Variants in PCDHGA7 observed in about 807,000 individuals in gnomAD.
PCDHGA7 encodes protocadherin gamma-A7.
Under a neutral mutation model 58.3 loss-of-function variants are expected in PCDHGA7, and 44 were observed. The observed-to-expected ratio is 0.75, with a 90% CI of 0.59 to 0.97. The LOEUF (loss-of-function observed/expected upper bound fraction) is 0.97. Among genes scored for constraint, PCDHGA7 ranks in the 50% least tolerant of loss-of-function variants. The pLI, the probability that PCDHGA7 is intolerant of heterozygous loss-of-function variation, is 0.00. For missense variants in PCDHGA7, 1,266 were observed against 1,188.7 expected, an observed-to-expected ratio of 1.06 and a Z score of -0.96; for synonymous variants, 516 against 504.2, an observed-to-expected ratio of 1.02 and a Z score of -0.31.
At chr5:141,435,435 T>G (rs2097763289) in intron 1 of PCDHGA7, among the ~76,000 whole-genome samples, 1 of 152,212 alleles carries the variant, frequency 6.6e-6, no homozygotes. Context: ...TGTTATGCAT[T>G]TCATTAATAC....
intron 1 of PCDHGA7, chr5:141,430,781 C>A: frequency 6.6e-7 from 1 of 1,510,922 alleles, no homozygotes; most frequent in Non-Finnish European, 8.8e-7. Context: ...GCGACTGCAC[C>A]GGGACTACAA....
At chr5:141,467,110 T>C (rs2099137137) in intron 1 of PCDHGA7, among the ~76,000 whole-genome samples, 1 of 151,604 alleles carries the variant, frequency 6.6e-6, no homozygotes, top group Non-Finnish European at 1.5e-5. Context: ...TGGAGTACAA[T>C]GGTGCAATCT....
Position 141,385,009 on chromosome 5 carries a change from T to G in PCDHGA7, c.2110T>G (p.Phe704Val). Reference protein sequence around the residue: ...VVAVATVSCVFLAFVLVLLAL... With the variant: ...VVAVATVSCVVLAFVLVLLAL... ...GGCGGTGGCCACAGTCTCCTGCGTC[T>G]TCCTAGCCTTCGTCCTCGTACTGCT... The change falls in exon 1 of 4, where the codon TTC becomes GTC. Residue 704 changes from phenylalanine to valine, a missense_variant. Transcript: ENST00000518325. The G allele has an allele frequency of 6.2e-7, 1 of 1,614,140 alleles. No individual in the cohort carries two copies. Among genetic ancestry groups the G allele is most frequent in the Non-Finnish European group, 8.5e-7 (1 of 1,180,032 alleles).
At chr5:141,492,993 G>A (rs952802686) in intron 1 of PCDHGA7, among the ~76,000 whole-genome samples, 5 of 152,216 alleles carry the variant, frequency 3.3e-5, no homozygotes, top group African/African-American at 1.2e-4. Flanking sequence ...CTGGCAGATG[G>A]AAAGCTATAG....
chr5:141,412,385 A>G (rs1041538045), intron 1 of PCDHGA7: 8 of 152,236 alleles, frequency 5.3e-5, no homozygotes, highest in African/African-American at 1.9e-4. Flanking sequence ...AAATAGGTCC[A>G]TTTAACTTGT....
intron 2 of PCDHGA7, among the ~76,000 whole-genome samples, chr5:141,505,122 A>G (rs2099843899): frequency 6.6e-6 from 1 of 152,194 alleles, no homozygotes; most frequent in Non-Finnish European, 1.5e-5. Context: ...AGATCGCGCC[A>G]CTGCACTCCA....
chr5:141,453,559 C>T (rs2098769120), intron 1 of PCDHGA7, among the ~76,000 whole-genome samples: 1 of 152,126 alleles, frequency 6.6e-6, no homozygotes, highest in Non-Finnish European at 1.5e-5. Context: ...TGTAGATAAT[C>T]GATTTCATTA....
In PCDHGA7 at chr5:141,383,984, T is replaced by C; in HGVS notation, c.1085T>C (p.Leu362Pro). The C allele has an allele frequency of 6.2e-7, 1 of 1,613,834 alleles. No homozygotes were observed. The highest frequency in any genetic ancestry group is 1.3e-5 in the African/African-American group (1 of 75,050). Residue 362 changes from leucine (L) to proline (P), a missense_variant, in exon 1 of 4, where the codon CTT becomes CCT. Transcript: ENST00000518325. ...AGCTCAATCCCTGAAGACACACCTC[T>C]TGGGACAGTCATTGCTCTTTTCTAC... is the stretch of plus-strand genomic sequence containing the variant. The part of the protein sequence containing the change: ...LSSSIPEDTP[L>P]GTVIALFYLQ...
intron 1 of PCDHGA7, chr5:141,441,206 C>T (rs750648706): frequency 3.3e-5 from 5 of 152,150 alleles, no homozygotes; most frequent in African/African-American, 4.8e-5. Context: ...GATTCTGCAC[C>T]TTGGACAGTA....
chr5:141,397,700 G>A (rs2093557870), intron 1 of PCDHGA7, among the ~76,000 whole-genome samples: 2 of 152,224 alleles, frequency 1.3e-5, no homozygotes, highest in Admixed American at 1.3e-4. Flanking sequence ...AAAACCCAAC[G>A]TGATATTTCT....
At chr5:141,427,997 A>C (rs1471083920) in intron 1 of PCDHGA7, 2 of 1,600,232 alleles carry the variant, frequency 1.2e-6, no homozygotes, top group African/African-American at 2.7e-5. Flanking sequence ...ATGGCTCCGC[A>C]CTCTTCGATA....
At chr5:141,509,887 T>C (rs138950510) in intron 3 of PCDHGA7, among the ~76,000 whole-genome samples, 1 of 152,314 alleles carries the variant, frequency 6.6e-6, no homozygotes, top group East Asian at 1.9e-4. Flanking sequence ...TGATGGTGAC[T>C]GACTGTCCCT....
chr5:141,464,138 G>A (rs62379197), intron 1 of PCDHGA7, among the ~76,000 whole-genome samples: 42,814 of 151,688 alleles, frequency 0.28, 6,814 homozygotes, highest in African/African-American at 0.44. Context: ...GGTGGTGGGC[G>A]CCTGTAGTCC....
intron 1 of PCDHGA7, chr5:141,419,512 G>T (rs754877872): frequency 3.7e-6 from 6 of 1,612,296 alleles, no homozygotes; most frequent in South Asian, 1.1e-5. Context: ...TGCGCGTGTT[G>T]GTGGGCGACC....
At position 141,476,565 on chromosome 5, in the gene PCDHGA7, C is replaced by A; in HGVS notation, c.2425-18242C>A. 1 of 1,614,184 alleles carries A rather than the reference C, an allele frequency of 6.2e-7. No homozygotes were observed. ...TTGGAGATTAGCGAGGCCGTGGCTC[C>A]GGGGACGCGCTTTCCGCTCGAGAGC... On this transcript the variant is annotated intron_variant, in intron 1 of 3. Coordinates refer to ENST00000518325, the MANE Select transcript of PCDHGA7 (RefSeq NM_018920.4). The surrounding 1 kb of genome is among the most constrained non-coding windows in gnomAD (Gnocchi z 7.6).
Position 141,489,092 on chromosome 5 carries a change from A to AATT in PCDHGA7, c.2425-5714_2425-5713insTTA. 2.9e-6 allele frequency: 1 copy of AATT among 348,332 alleles called. No individual in the cohort carries two copies. Among genetic ancestry groups the AATT allele is most frequent in the Non-Finnish European group, 4.7e-6 (1 of 214,538 alleles). 21.6% of individuals were successfully genotyped at this position (348,332 alleles called of 1,614,324 possible). A position where few individuals can be genotyped will look rare whatever the true frequency, so the allele number is the denominator to read the frequency against. On this transcript the variant is annotated intron_variant, in intron 1 of 3. Transcript: ENST00000518325. This position sits in a 1 kb window ranked among gnomAD's most constrained non-coding sequence, Gnocchi z 4.5. Reference sequence around the variant, plus strand: ...TGCCCACCCCCGCCACTCGGTGACTAAGAACTGCTGCAAGCAGGCAAACCT... The same window carrying AATT: ...TGCCCACCCCCGCCACTCGGTGACTAATTAGAACTGCTGCAAGCAGGCAAACCT...
At chr5:141,400,799 G>A in intron 1 of PCDHGA7, 1 of 553,494 alleles carries the variant, frequency 1.8e-6, no homozygotes, top group Non-Finnish European at 3.2e-6. Context: ...CTTTCTCAAA[G>A]CTAATGAATT....
At chr5:141,417,875 G>C (rs2096176700) in intron 1 of PCDHGA7, 2 of 1,556,360 alleles carry the variant, frequency 1.3e-6, no homozygotes, top group Non-Finnish European at 1.7e-6. Context: ...AGGGAGCTGC[G>C]CGCAGAGGCG....
intron 1 of PCDHGA7, chr5:141,413,734 C>A: frequency 6.2e-7 from 1 of 1,613,422 alleles, no homozygotes; most frequent in Non-Finnish European, 8.5e-7. Context: ...CCTAAGAGTT[C>A]AGAGCCGTGC....
Sources: allele counts gnomAD v4.1 joint callset (sites outside exome capture counted in the v4.1 genomes callset), GRCh38; gene constraint gnomAD v4.1.1; non-coding constraint Gnocchi (gnomAD v3.1); transcripts MANE v1.5; gene names NCBI Gene and HGNC (gene_info 2026-07-23, HGNC 2026-07-21).